ODF2L: variants seen among roughly 807,000 people sequenced by gnomAD.
The protein encoded by ODF2L is outer dense fiber of sperm tails 2 like, also known as protein BCAP.
ODF2L carries 76 observed loss-of-function variants against 86.3 expected under a neutral mutation model. The observed-to-expected ratio is 0.88, with a 90% CI of 0.73 to 1.07. The LOEUF (loss-of-function observed/expected upper bound fraction) is 1.07, where lower values mean the gene tolerates loss of function less well. Among genes scored for constraint, ODF2L ranks in the 50% least tolerant of loss-of-function variants. The pLI, the probability that ODF2L is intolerant of heterozygous loss-of-function variation, is 0.00. For synonymous variants in ODF2L, 241 were observed against 231.3 expected (o/e 1.04, Z -0.38); for missense variants, 748 against 717.4 (o/e 1.04, Z -0.49).
exon 8 of ODF2L, chr1:86,376,388 G>A (rs765650735): frequency 1.9e-6 from 3 of 1,598,366 alleles, no homozygotes; most frequent in Non-Finnish European, 2.6e-6. Flanking sequence ...CTTGATTGCA[G>A]GTTCCACTTG....
chr1:86,369,257 A>G (rs1450882111), intron 10 of ODF2L, among the ~76,000 whole-genome samples: 1 of 152,174 alleles, frequency 6.6e-6, no homozygotes, highest in Non-Finnish European at 1.5e-5. Context: ...AGAATATCAC[A>G]ATGTCACTGC....
chr1:86,356,475 T>A (rs1234282086), exon 14 of ODF2L: 19 of 1,613,226 alleles, frequency 1.2e-5, no homozygotes, highest in Non-Finnish European at 1.6e-5. Context: ...GGTGTGTTCC[T>A]GGTCTGCACA....
In ODF2L at chr1:86,368,735, C is replaced by A. The variant is rs542078368; in HGVS notation, c.1057-13G>T. 1.6e-5 allele frequency: 22 copies of A among 1,400,190 alleles called. No individual in the cohort carries two copies. The African/African-American group carries it at 2.9e-4, about 19-fold the overall frequency. The allele number at this position is 1,400,190 out of a possible 1,614,324, so 86.7% of individuals were successfully genotyped here. On this transcript the variant is annotated splice_polypyrimidine_tract_variant and intron_variant, in intron 10 of 17. Transcript: ENST00000317336. ...ATGGGAATCTAAGCTAAAGACAATACAACAAAAAGTTTATGTATGAAAATG... is the reference window on the plus strand; with the variant it reads ...ATGGGAATCTAAGCTAAAGACAATAAAACAAAAAGTTTATGTATGAAAATG...
chr1:86,382,997 A>T, exon 6 of ODF2L: 1 of 1,506,666 alleles, frequency 6.6e-7, no homozygotes, highest in South Asian at 1.1e-5. Flanking sequence ...CCTTCTTCTT[A>T]AGATTCTTGA....
rs142308107 is a variant in ODF2L, at chr1:86,363,873, G to A, written c.1144-3337C>T. 3.7e-3 allele frequency among the ~76,000 whole-genome samples: 565 copies of A among 151,994 alleles called. 3 individuals are homozygous for A. Among genetic ancestry groups the A allele is most frequent in the African/African-American group, 0.013 (524 of 41,494 alleles). On this transcript the variant is annotated intron_variant, in intron 11 of 17. Transcript: ENST00000317336. ...TAGAGGAGGTTACTCGGCCTTGAAAGCAGTACTCACAGTTTATTTTTCATT... is the reference window on the plus strand; with the variant it reads ...TAGAGGAGGTTACTCGGCCTTGAAAACAGTACTCACAGTTTATTTTTCATT...
chr1:86,387,054 G>T, exon 2 of ODF2L: 1 of 1,091,194 alleles, frequency 9.2e-7, no homozygotes, highest in South Asian at 1.6e-5. Context: ...TTTATAGGTG[G>T]CTTCACAGCG....
chr1:86,379,946 T>G (rs1012920223), intron 7 of ODF2L, among the ~76,000 whole-genome samples: 1 of 152,206 alleles, frequency 6.6e-6, no homozygotes, highest in African/African-American at 2.4e-5. Flanking sequence ...ATGAGGGATG[T>G]GATTTAATGT....
rs763024735 is a variant in ODF2L at position 86,371,052 on chromosome 1, T to C, written c.1022A>G (p.Asn341Ser). The stretch of plus-strand genomic sequence containing the variant: ...TGTATTCTCAAGATTCAGAGTTTCA[T>C]TTTCATATTCAATTGAGTGAACTTT... The change falls in exon 10 of 18, where the codon AAT becomes AGT. Residue 341 changes from asparagine (N) to serine (S), a missense_variant. Asn to Ser is a conservative substitution (Grantham distance 46). Coordinates refer to ENST00000317336, the Ensembl canonical transcript of ODF2L. 2.5e-6 allele frequency: 4 copies of C among 1,574,794 alleles called. No homozygotes were observed. The East Asian group carries it at 6.8e-5, about 27-fold the overall frequency.
At chr1:86,347,323 G>A (rs1657856483), downstream of ODF2L, 1 of 152,180 alleles carries the variant, frequency 6.6e-6, no homozygotes, top group Non-Finnish European at 1.5e-5. Context: ...CCCTTAAGGA[G>A]CTTACAGTTT....
intron 11 of ODF2L, among the ~76,000 whole-genome samples, chr1:86,362,372 C>T (rs969076898): frequency 6.6e-5 from 10 of 151,964 alleles, no homozygotes; most frequent in Non-Finnish European, 1.2e-4. Context: ...TGGTTCACTG[C>T]AGCCTCAGCC....
At chr1:86,361,645 T>G (rs892461842) in intron 11 of ODF2L, among the ~76,000 whole-genome samples, 59 of 152,238 alleles carry the variant, frequency 3.9e-4, no homozygotes, top group Non-Finnish European at 6.6e-4. Flanking sequence ...AAATGACAAA[T>G]TTGATGTCTT....
chr1:86,355,370 CA>C, intron 14 of ODF2L: 1 of 1,538,778 alleles, frequency 6.5e-7, no homozygotes, highest in Non-Finnish European at 8.8e-7. Context: ...ATATTCTTCC[CA>C]CTGCTTCAAA....
At chr1:86,356,397 G>C in intron 14 of ODF2L, 47 bp downstream of exon 13, 2 of 1,511,304 alleles carry the variant, frequency 1.3e-6, no homozygotes, top group Non-Finnish European at 1.8e-6. Flanking sequence ...TCATTCCAAA[G>C]CATTCTTTTA....
chr1:86,392,931 G>A (rs1047009555), intron 1 of ODF2L, among the ~76,000 whole-genome samples: 1 of 152,142 alleles, frequency 6.6e-6, no homozygotes, highest in African/African-American at 2.4e-5. Context: ...CTACTGCCAA[G>A]AGGACATGTA....
At chr1:86,390,093 A>G (rs1416314642) in intron 1 of ODF2L, among the ~76,000 whole-genome samples, 1 of 152,142 alleles carries the variant, frequency 6.6e-6, no homozygotes, top group Non-Finnish European at 1.5e-5. Flanking sequence ...AAAAAAGAAA[A>G]CTACAGACCA....
At chr1:86,380,279 T>C (rs1474244344) in intron 7 of ODF2L, among the ~76,000 whole-genome samples, 1 of 152,166 alleles carries the variant, frequency 6.6e-6, no homozygotes, top group Non-Finnish European at 1.5e-5. Flanking sequence ...AGATTTAGAT[T>C]TGATTTTTTT....
chr1:86,359,592 C>T (rs1270362245), intron 12 of ODF2L, among the ~76,000 whole-genome samples: 4 of 145,096 alleles, frequency 2.8e-5, no homozygotes, highest in Admixed American at 7.1e-5. Context: ...GGTGCAGTCT[C>T]GGCTCACTGC....
At chr1:86,376,571 A>T (rs1660190462) in intron 7 of ODF2L, among the ~76,000 whole-genome samples, 153 bp from the exon 8 acceptor site, 1 of 152,214 alleles carries the variant, frequency 6.6e-6, no homozygotes, top group Non-Finnish European at 1.5e-5. Flanking sequence ...TTTATAAAGG[A>T]AAGAAGTTTA....
exon 13 of ODF2L, chr1:86,358,866 T>C (rs746764544): frequency 6.5e-7 from 1 of 1,545,264 alleles, no homozygotes; most frequent in Admixed American, 1.9e-5. Context: ...TTTTACTATT[T>C]CAGCTGCTTC....
Sources: allele counts gnomAD v4.1 joint callset (sites outside exome capture counted in the v4.1 genomes callset), GRCh38; gene constraint gnomAD v4.1.1; transcripts MANE v1.5; gene names NCBI Gene and HGNC (gene_info 2026-07-23, HGNC 2026-07-21).